KIF13B: variants seen among roughly 807,000 people sequenced by gnomAD.
KIF13B encodes kinesin-like protein KIF13B.
A neutral mutation model predicts 222.0 loss-of-function variants in KIF13B; 127 were observed. That is an observed-to-expected ratio of 0.57 (90% CI 0.50 to 0.66). The LOEUF (loss-of-function observed/expected upper bound fraction) is 0.66, where lower values mean the gene tolerates loss of function less well. KIF13B is among the 30% of genes least tolerant of loss of function. The probability of loss-of-function intolerance (pLI) is 0.00; values close to 1 mark genes in which losing one functional copy is unlikely to be tolerated. For missense variants in KIF13B, 2,173 were observed against 2,379.0 expected, an observed-to-expected ratio of 0.91 and a Z score of 1.80; for synonymous variants, 976 against 919.0, an observed-to-expected ratio of 1.06 and a Z score of -1.12.
At chr8:29,187,783 T>C (rs1017658737) in intron 5 of KIF13B, among the ~76,000 whole-genome samples, 1 of 152,206 alleles carries the variant, frequency 6.6e-6, no homozygotes, top group Admixed American at 6.5e-5. Context: ...ATGTGCCACA[T>C]TTCCTAAGTA....
At chr8:29,072,427 T>A (rs1262280532) in intron 38 of KIF13B, 111 bp from the exon 39 acceptor site, 1 of 638,242 alleles carries the variant, frequency 1.6e-6, no homozygotes, top group Non-Finnish European at 2.4e-6. Flanking sequence ...TGGCTCAGCC[T>A]GTAACCCCAG....
rs144014366 is a variant in KIF13B at position 29,152,265 on chromosome 8, C to T, written c.1536-1882G>A. 1.3e-3 allele frequency among the ~76,000 whole-genome samples: 195 copies of T among 152,270 alleles called. 2 individuals are homozygous for T. The highest frequency in any genetic ancestry group is 0.012 in the Admixed American group (176 of 15,294). ...CCTGGTGAAGATGCTGTGAACATTG[C>T]TGAAATGACAACAGAGGGTTTAGAA... On this transcript the variant is annotated intron_variant, in intron 14 of 39. Transcript: ENST00000524189.
intron 1 of KIF13B, among the ~76,000 whole-genome samples, chr8:29,258,771 G>T (rs1174785801): frequency 6.6e-6 from 1 of 152,048 alleles, no homozygotes; most frequent in African/African-American, 2.4e-5. Flanking sequence ...AACTCCTCTC[G>T]ATTCCCTTAT....
chr8:29,210,193 T>C (rs1814154747), intron 2 of KIF13B, among the ~76,000 whole-genome samples: 1 of 152,136 alleles, frequency 6.6e-6, no homozygotes, highest in South Asian at 2.1e-4. Context: ...TGGAAGGGGA[T>C]AGAATCTAAA....
In KIF13B at chr8:29,184,362, C is replaced by T. The variant is rs77266006; in HGVS notation, c.497+1930G>A. Reference sequence around the variant, plus strand: ...CAAGAAATTTTCACTGGGGAGATAGCAGCAGCTACCACTTATTGAGCACTT... The same window carrying T: ...CAAGAAATTTTCACTGGGGAGATAGTAGCAGCTACCACTTATTGAGCACTT... On this transcript the variant is annotated intron_variant, in intron 6 of 39. Coordinates refer to ENST00000524189, the MANE Select transcript of KIF13B (RefSeq NM_015254.4). Among the ~76,000 whole-genome samples the T allele has an allele frequency of 4.8e-3, 735 of 152,082 alleles. 4 individuals carry two copies. Among genetic ancestry groups the T allele is most frequent in the African/African-American group, 0.017 (686 of 41,498 alleles).
At chr8:29,072,522 AAAAT>A (rs768144881) in intron 38 of KIF13B, among the ~76,000 whole-genome samples, 5 of 152,182 alleles carry the variant, frequency 3.3e-5, no homozygotes, top group Admixed American at 1.3e-4. Context: ...CCGTTTCGAC[AAAAT>A]AAATAAATAA....
At chr8:29,216,802 A>G (rs1350) in intron 2 of KIF13B, among the ~76,000 whole-genome samples, 1 of 152,010 alleles carries the variant, frequency 6.6e-6, no homozygotes, top group Non-Finnish European at 1.5e-5. Context: ...GGGCAGCCTG[A>G]GACTGGGCTA....
intron 2 of KIF13B, among the ~76,000 whole-genome samples, chr8:29,201,774 T>G (rs188068933): frequency 6.6e-6 from 1 of 152,256 alleles, no homozygotes; most frequent in African/African-American, 2.4e-5. Context: ...TACTACGTCA[T>G]GATATTGTTG....
At position 29,069,177 on chromosome 8, in the gene KIF13B, T is replaced by C. The variant is rs1261297955; in HGVS notation, c.*1327A>G. ...ACTCCTGTCCCTAGATTGGTGGCCT[T>C]CCACACATAGACGCTAACCCCCATC... On this transcript the variant is annotated 3_prime_UTR_variant, in exon 40 of 40. Transcript: ENST00000524189. 1 of 152,238 alleles carries C rather than the reference T, an allele frequency of 6.6e-6. No homozygotes were observed. The highest frequency in any genetic ancestry group is 2.4e-5 in the African/African-American group (1 of 41,442). The allele number at this position is 152,238 out of a possible 1,614,324, so 9.4% of individuals were successfully genotyped here.
intron 29 of KIF13B, among the ~76,000 whole-genome samples, chr8:29,121,719 A>G (rs888097626): frequency 3.3e-5 from 5 of 149,968 alleles, no homozygotes; most frequent in African/African-American, 1.2e-4. Flanking sequence ...ATCTAATTAA[A>G]CTAAAGAGCT....
chr8:29,159,792 T>C (rs1309940615), intron 13 of KIF13B, among the ~76,000 whole-genome samples: 1 of 152,160 alleles, frequency 6.6e-6, no homozygotes, highest in Non-Finnish European at 1.5e-5. Context: ...AGCATGACAA[T>C]ACATCATATA....
chr8:29,255,914 C>T (rs1021176959), intron 1 of KIF13B, among the ~76,000 whole-genome samples: 4 of 152,114 alleles, frequency 2.6e-5, no homozygotes, highest in African/African-American at 9.7e-5. Flanking sequence ...CCTGAGGTTG[C>T]TCTTCTTGGC....
At chr8:29,157,818 A>G (rs564340070) in intron 13 of KIF13B, among the ~76,000 whole-genome samples, 99 of 150,970 alleles carry the variant, frequency 6.6e-4, no homozygotes, top group African/African-American at 2.4e-3. Context: ...GTGACAGAAC[A>G]AGACCCTGCC....
At chr8:29,215,564 C>T (rs1015782593) in intron 2 of KIF13B, among the ~76,000 whole-genome samples, 4 of 152,114 alleles carry the variant, frequency 2.6e-5, no homozygotes, top group South Asian at 2.1e-4. Context: ...CGATGGCATG[C>T]GTCTGTTGTC....
chr8:29,161,910 A>G (rs966450134), intron 12 of KIF13B, among the ~76,000 whole-genome samples: 14 of 152,178 alleles, frequency 9.2e-5, no homozygotes, highest in African/African-American at 3.1e-4. Flanking sequence ...AGCACTTAGC[A>G]CAGTGAAGGA....
chr8:29,210,291 C>G (rs528197705), intron 2 of KIF13B, among the ~76,000 whole-genome samples: 16 of 152,278 alleles, frequency 1.1e-4, no homozygotes, highest in African/African-American at 3.9e-4. Context: ...ATTCCAGATA[C>G]CATTCCAGAG....
Position 29,109,304 on chromosome 8 carries a change from G to A in KIF13B, c.4161+130C>T, listed in dbSNP as rs115670074. The A allele has an allele frequency of 1.8e-3, 1,275 of 714,506 alleles. 9 individuals carry two copies. The African/African-American group carries it at 0.021, about 12-fold the overall frequency. The allele number at this position is 714,506 out of a possible 1,614,324, so 44.3% of individuals were successfully genotyped here. A position where few individuals can be genotyped will look rare whatever the true frequency, so the allele number is the denominator to read the frequency against. ...AGACCCAGTGGGGTGGAGACCAGGG[G>A]CCCTGACATCAGTCCTGGCAAGGGA... On this transcript the variant is annotated intron_variant, in intron 34 of 39. Coordinates refer to ENST00000524189, the MANE Select transcript of KIF13B (RefSeq NM_015254.4).
chr8:29,209,711 C>A (rs1485685318), intron 2 of KIF13B, among the ~76,000 whole-genome samples: 1 of 152,046 alleles, frequency 6.6e-6, no homozygotes, highest in Non-Finnish European at 1.5e-5. Context: ...GCATCAAGTA[C>A]ACTCTGAACT....
chr8:29,171,297 C>G (rs1331525105), intron 10 of KIF13B, among the ~76,000 whole-genome samples: 1 of 152,106 alleles, frequency 6.6e-6, no homozygotes, highest in African/African-American at 2.4e-5. Context: ...ATGGTTGTTC[C>G]ATCCTCCCTG....
Sources: allele counts gnomAD v4.1 joint callset (sites outside exome capture counted in the v4.1 genomes callset), GRCh38; gene constraint gnomAD v4.1.1; transcripts MANE v1.5; gene names NCBI Gene and HGNC (gene_info 2026-07-23, HGNC 2026-07-21).